The following ZGRF1 variants were observed in gnomAD, a reference collection of about 807,000 sequenced individuals.
ZGRF1 encodes 5'-3' DNA helicase ZGRF1.
ZGRF1 carries 196 observed loss-of-function variants against 203.5 expected under a neutral mutation model. The ratio of observed to expected loss-of-function variants is 0.96; its 90% CI spans 0.86 to 1.08. ZGRF1 has a LOEUF of 1.08. Among genes scored for constraint, ZGRF1 ranks in the 50% least tolerant of loss-of-function variants. ZGRF1 has a pLI of 0.00. For missense variants in ZGRF1, 2,326 were observed against 2,416.3 expected (o/e 0.96, Z 0.78); for synonymous variants, 809 against 841.3 (o/e 0.96, Z 0.66).
rs1322318002 is a variant in ZGRF1 at position 112,586,656 on chromosome 4, C to A, written c.3778-73G>T. ...GTTTACTAAAGAGTAAATTATTTTT[C>A]ATAGACATTTTTTAAAAATATTAAT... is the stretch of plus-strand genomic sequence containing the variant. On this transcript the variant is annotated intron_variant, in intron 12 of 27. Transcript: ENST00000505019. The A allele has an allele frequency of 5.3e-6, 6 of 1,134,232 alleles. No individual in the cohort carries two copies. The Admixed American group carries it at 8.5e-5, about 16-fold the overall frequency. The allele number at this position is 1,134,232 out of a possible 1,614,324, so 70.3% of individuals were successfully genotyped here.
intron 10 of ZGRF1, 29 bp from the exon 11 acceptor site, chr4:112,589,903 G>C: frequency 6.6e-7 from 1 of 1,506,902 alleles, no homozygotes; most frequent in Non-Finnish European, 8.9e-7. Flanking sequence ...CAAAACTACA[G>C]ACCAAAATCT....
At chr4:112,630,696 A>G (rs1234389812) in intron 3 of ZGRF1, among the ~76,000 whole-genome samples, 3 of 152,170 alleles carry the variant, frequency 2.0e-5, no homozygotes, top group African/African-American at 7.2e-5. Context: ...GTTCAAGACC[A>G]GCCTGAACAA....
At chr4:112,565,069 A>C in intron 16 of ZGRF1, 1 of 1,252,004 alleles carries the variant, frequency 8.0e-7, no homozygotes, top group South Asian at 1.2e-5. Flanking sequence ...AGCCGCTCGC[A>C]AGAGTGTGCC....
intron 17 of ZGRF1, among the ~76,000 whole-genome samples, chr4:112,562,789 C>T (rs1301195078): frequency 6.6e-6 from 1 of 152,188 alleles, no homozygotes; most frequent in Non-Finnish European, 1.5e-5. Context: ...ACTTCACAGC[C>T]AGCAGTTTCC....
chr4:112,623,915 C>A, intron 3 of ZGRF1, 39 bp from the exon 4 acceptor site: 1 of 1,054,256 alleles, frequency 9.5e-7, no homozygotes, highest in Non-Finnish European at 1.4e-6. Context: ...AGGAACAACA[C>A]AATTATGCTT....
chr4:112,557,685 G>A (rs1247060232), intron 20 of ZGRF1, among the ~76,000 whole-genome samples: 2 of 152,220 alleles, frequency 1.3e-5, no homozygotes, highest in Non-Finnish European at 2.9e-5. Context: ...TGAGGCTGGG[G>A]ATCCATTATC....
intron 6 of ZGRF1, among the ~76,000 whole-genome samples, chr4:112,615,487 G>A (rs2046834841): frequency 6.6e-6 from 1 of 151,998 alleles, no homozygotes; most frequent in African/African-American, 2.4e-5. Flanking sequence ...GCCTCCCAAA[G>A]TGCTGGGATT....
At chr4:112,554,093 T>C (rs187979664) in intron 21 of ZGRF1, 111 bp from the exon 22 acceptor site, 162 of 890,488 alleles carry the variant, frequency 1.8e-4, no homozygotes, top group Non-Finnish European at 2.5e-4. Context: ...AGGGTACATG[T>C]GCACAATGTG....
At chr4:112,597,183 C>T (rs573508413) in intron 10 of ZGRF1, among the ~76,000 whole-genome samples, 7 of 147,470 alleles carry the variant, frequency 4.7e-5, no homozygotes, top group Non-Finnish European at 7.4e-5. Flanking sequence ...CACTGCACTC[C>T]AGCCTGGGTG....
At chr4:112,582,771 A>G (rs1746493307) in intron 15 of ZGRF1, among the ~76,000 whole-genome samples, 1 of 151,920 alleles carries the variant, frequency 6.6e-6, no homozygotes, top group South Asian at 2.1e-4. Flanking sequence ...GGTTTATTTC[A>G]CTTAACATAA....
Position 112,587,282 on chromosome 4 carries a change from G to A in ZGRF1, c.3775C>T (p.Gln1259Ter). Residue 1259 changes from glutamine to a stop codon, truncating the protein, a stop_gained and splice_region_variant, in exon 12 of 28, where the codon CAG becomes TAG. Transcript: ENST00000505019. LOFTEE classifies it high-confidence loss of function. Reference sequence around the variant, plus strand: ...ACAAGACCGGTACATTTCCTCACCTGTAAATCCTTTACACTGTAGTTGTAG... The same window carrying A: ...ACAAGACCGGTACATTTCCTCACCTATAAATCCTTTACACTGTAGTTGTAG... ...TCYNYSVKDLQEISGSELCFP... is the reference protein window; with the variant it reads ...TCYNYSVKDL 1.2e-6 allele frequency: 2 copies of A among 1,601,188 alleles called. No individual in the cohort carries two copies. The highest frequency in any genetic ancestry group is 1.1e-5 in the South Asian group (1 of 89,368).
chr4:112,577,180 GC>G lies in ZGRF1; in HGVS notation c.4438+4482del, dbSNP rs557429465. Among the ~76,000 whole-genome samples, 786 of 122,154 alleles carry G rather than the reference GC, an allele frequency of 6.4e-3. 177 individuals carry two copies. Among genetic ancestry groups the G allele is most frequent in the African/African-American group, 0.02 (690 of 35,176 alleles). 80.1% of individuals were successfully genotyped at this position (122,154 alleles called of 152,430 possible). On this transcript the variant is annotated intron_variant, in intron 16 of 27. Transcript: ENST00000505019. ...AGAATTTCATATCCAGTCAAACTAA[GC>G]TTCATAAGTGAAGGAGAAATAAAAT...
rs71597606 is a variant in ZGRF1 at position 112,586,239 on chromosome 4, CA to C, written c.3916+205del. The stretch of plus-strand genomic sequence containing the variant: ...TGGGCAACATAGTGAGATCCTGTCT[CA>C]AAAAAAAAAAAGAAGATTGTAATTT... On this transcript the variant is annotated intron_variant, in intron 13 of 27. Coordinates refer to ENST00000505019, the MANE Select transcript of ZGRF1 (RefSeq NM_018392.5). Among the ~76,000 whole-genome samples the C allele has an allele frequency of 1.4e-3, 191 of 141,150 alleles. 1 individual carries two copies. The highest frequency in any genetic ancestry group is 1.9e-3 in the Admixed American group (27 of 14,208). 92.6% of individuals were successfully genotyped at this position (141,150 alleles called of 152,430 possible).
chr4:112,596,643 G>A (rs1749068819), intron 10 of ZGRF1, among the ~76,000 whole-genome samples: 1 of 151,984 alleles, frequency 6.6e-6, no homozygotes, highest in Non-Finnish European at 1.5e-5. Context: ...GCCCAAGCTG[G>A]AGGGCACTGG....
At chr4:112,623,918 T>G (rs1437786984) in intron 3 of ZGRF1, 42 bp from the exon 4 acceptor site, 1 of 1,039,058 alleles carries the variant, frequency 9.6e-7, no homozygotes, top group Admixed American at 2.1e-5. Context: ...AACAACACAA[T>G]TATGCTTTTC....
chr4:112,604,216 T>C (rs906546420), intron 9 of ZGRF1, among the ~76,000 whole-genome samples: 7 of 129,968 alleles, frequency 5.4e-5, no homozygotes, highest in Non-Finnish European at 1.2e-4. Flanking sequence ...ATAGAGAGAT[T>C]CCATCTCAAA....
chr4:112,587,611 T>C lies in ZGRF1; in HGVS notation c.3446A>G (p.Tyr1149Cys). 1.9e-6 allele frequency: 3 copies of C among 1,613,900 alleles called. No individual in the cohort carries two copies. Among genetic ancestry groups the C allele is most frequent in the Non-Finnish European group, 2.5e-6 (3 of 1,179,826 alleles). The change falls in exon 12 of 28, where the codon TAT becomes TGT. Residue 1149 changes from tyrosine (Y) to cysteine (C), a missense_variant. Coordinates refer to ENST00000505019, the MANE Select transcript of ZGRF1 (RefSeq NM_018392.5). ...NISTQSKWLK[Y>C]QNTSQCNVAT... is the part of the protein sequence containing the mutation. Reference sequence around the variant, plus strand: ...CACGTTGCATTGGGATGTGTTTTGATATTTCAGCCACTTGCTCTGAGTAGA... The same window carrying C: ...CACGTTGCATTGGGATGTGTTTTGACATTTCAGCCACTTGCTCTGAGTAGA...
At chr4:112,628,697 T>G (rs1272663357) in intron 3 of ZGRF1, 2 of 455,956 alleles carry the variant, frequency 4.4e-6, no homozygotes, top group Non-Finnish European at 8.8e-6. Context: ...AGATATATAA[T>G]GGGCACTCAA....
At chr4:112,595,174 A>G (rs1476429115) in intron 10 of ZGRF1, among the ~76,000 whole-genome samples, 1 of 152,154 alleles carries the variant, frequency 6.6e-6, no homozygotes, top group Admixed American at 6.5e-5. Flanking sequence ...TTACATCTCT[A>G]TAGCACAGGC....
Sources: gnomAD v4.1 joint callset for allele counts (sites outside exome capture counted in the v4.1 genomes callset) on GRCh38, gnomAD v4.1.1 for gene constraint, MANE v1.5 for transcripts, NCBI Gene and HGNC (gene_info 2026-07-23, HGNC 2026-07-21) for gene names.